IFT74: variants seen among roughly 807,000 people sequenced by gnomAD.
IFT74 encodes intraflagellar transport protein 74 homolog.
Under a neutral mutation model 96.7 loss-of-function variants are expected in IFT74, and 92 were observed. The observed-to-expected ratio is 0.95, with a 90% confidence interval of 0.80 to 1.13. The LOEUF (loss-of-function observed/expected upper bound fraction) is 1.13, where lower values mean the gene tolerates loss of function less well. Ranked by LOEUF, IFT74 falls within the 50% of genes most tolerant of loss-of-function variation. The probability of loss-of-function intolerance (pLI) is 0.00; values close to 1 mark genes in which losing one functional copy is unlikely to be tolerated. For missense variants in IFT74, 811 were observed against 698.2 expected (o/e 1.16, Z -1.82); for synonymous variants, 223 against 213.2 (o/e 1.05, Z -0.40).
chr9:26,979,130 C>G (rs1178579503), intron 3 of IFT74, among the ~76,000 whole-genome samples: 1 of 150,558 alleles, frequency 6.6e-6, no homozygotes, highest in Non-Finnish European at 1.5e-5. Context: ...TACAGTATAT[C>G]ATCCCTTTCA....
At chr9:26,970,308 A>C (rs2131504009) in intron 2 of IFT74, among the ~76,000 whole-genome samples, 1 of 152,308 alleles carries the variant, frequency 6.6e-6, no homozygotes, top group South Asian at 2.1e-4. Flanking sequence ...AGGTATAACC[A>C]CTATCAACTG....
At chr9:26,980,469 A>C in intron 3 of IFT74, 102 bp from the exon 4 acceptor site, 1 of 761,278 alleles carries the variant, frequency 1.3e-6, no homozygotes, top group Non-Finnish European at 2.4e-6. Context: ...ATTCATGAAG[A>C]CTGTCTTGAG....
intron 10 of IFT74, among the ~76,000 whole-genome samples, chr9:27,012,187 C>T (rs781429033): frequency 9.2e-5 from 14 of 152,032 alleles, no homozygotes; most frequent in Admixed American, 2.0e-4. Flanking sequence ...CAAATCATTC[C>T]GCCCTACCTA....
chr9:26,954,372 A>G (rs2131459500), upstream of IFT74, among the ~76,000 whole-genome samples: 1 of 152,312 alleles, frequency 6.6e-6, no homozygotes, highest in Non-Finnish European at 1.5e-5. Context: ...AACCAGTCAA[A>G]TAATTTCTTT....
At chr9:27,059,443 T>C (rs1001007341) in intron 18 of IFT74, among the ~76,000 whole-genome samples, 21 of 152,210 alleles carry the variant, frequency 1.4e-4, no homozygotes, top group Admixed American at 1.2e-3. Flanking sequence ...TGACACAGCA[T>C]TGCTTTTATA....
chr9:26,997,775 C>T (rs1455770869), intron 8 of IFT74: 2 of 1,612,740 alleles, frequency 1.2e-6, no homozygotes, highest in Admixed American at 1.7e-5. Flanking sequence ...ATTAAATAGA[C>T]TGCAAGAGCA....
chr9:26,981,768 A>G (rs899107947), intron 4 of IFT74, among the ~76,000 whole-genome samples: 12 of 128,786 alleles, frequency 9.3e-5, no homozygotes, highest in African/African-American at 3.4e-4. Context: ...GATAAGAATA[A>G]TTTTTTTTTT....
At chr9:27,047,397 G>A (rs763605244) in intron 15 of IFT74, 26 bp downstream of exon 15, 2 of 1,403,264 alleles carry the variant, frequency 1.4e-6, no homozygotes, top group East Asian at 4.9e-5. Flanking sequence ...CTGTCTTGGT[G>A]TCCTCTTTAT....
chr9:26,984,531 T>C lies in IFT74; in HGVS notation c.437T>C (p.Leu146Pro). The change falls in exon 6 of 20, where the codon CTT (leucine) becomes CCT (proline). Residue 146 changes from leucine (L) to proline (P), a missense_variant. By Grantham distance (98) the Leu-to-Pro change is moderately conservative. Coordinates refer to ENST00000380062, the MANE Select transcript of IFT74 (RefSeq NM_025103.4). The stretch of plus-strand genomic sequence containing the variant: ...ACTTTAGCTGTTGAGATAAAAGAGC[T>C]TCAAGGACAACTAGCAGACTACAAC... The part of the protein sequence containing the change: ...AETLAVEIKE[L>P]QGQLADYNML... 6.2e-7 allele frequency: 1 copy of C among 1,612,432 alleles called. No homozygotes were observed.
At chr9:26,999,662 C>T in intron 8 of IFT74, 3 of 1,609,500 alleles carry the variant, frequency 1.9e-6, no homozygotes, top group Non-Finnish European at 2.5e-6. Flanking sequence ...TGGAGAGGGG[C>T]CAAAAGAGGA....
At chr9:27,060,541 A>G in intron 18 of IFT74, 50 bp from the exon 19 acceptor site, 1 of 1,243,208 alleles carries the variant, frequency 8.0e-7, no homozygotes, top group East Asian at 2.5e-5. Context: ...AAAGGCATTT[A>G]ATTGTTTTAA....
At chr9:27,059,380 G>A (rs943104827) in intron 18 of IFT74, among the ~76,000 whole-genome samples, 4 of 152,152 alleles carry the variant, frequency 2.6e-5, no homozygotes, top group Non-Finnish European at 4.4e-5. Context: ...TGTCCTTGGA[G>A]GTTTAAAGGA....
chr9:26,996,304 A>G (rs767330662), intron 8 of IFT74: 11 of 1,543,506 alleles, frequency 7.1e-6, no homozygotes, highest in African/African-American at 5.4e-5. Flanking sequence ...TAGAACCAGT[A>G]TATTACCTGA....
intron 10 of IFT74, among the ~76,000 whole-genome samples, chr9:27,012,949 C>G (rs1318338645): frequency 1.3e-5 from 2 of 151,888 alleles, no homozygotes; most frequent in Non-Finnish European, 2.9e-5. Flanking sequence ...GATCTCCTGA[C>G]CTTGTGATCC....
intron 2 of IFT74, among the ~76,000 whole-genome samples, chr9:26,974,524 T>G (rs1026845716): frequency 2.0e-5 from 3 of 152,320 alleles, no homozygotes; most frequent in South Asian, 4.1e-4. Context: ...TTTGGGGTAT[T>G]GATTCCTTAA....
upstream of IFT74, among the ~76,000 whole-genome samples, chr9:26,955,351 T>G (rs969963291): frequency 2.0e-5 from 3 of 152,172 alleles, no homozygotes; most frequent in African/African-American, 7.2e-5. Context: ...CTGTCACCCT[T>G]ACTTCAACAG....
In IFT74 at chr9:27,047,307, A is replaced by C; in HGVS notation, c.1142A>C (p.Gln381Pro). The C allele has an allele frequency of 6.2e-7, 1 of 1,613,184 alleles. No individual in the cohort carries two copies. The highest frequency in any genetic ancestry group is 2.2e-5 in the East Asian group (1 of 44,836). ...FIETFEETKN[Q>P]ELKRKAQIEA... ...GAGACTTTTGAGGAAACAAAGAATC[A>C]GGAACTGAAACGAAAGGCACAGATA... The change falls in exon 15 of 20, where the codon CAG becomes CCG. Residue 381 changes from glutamine to proline, a missense_variant. Gln to Pro is a moderately conservative substitution (Grantham distance 76, BLOSUM62 -1). Coordinates refer to ENST00000380062, the MANE Select transcript of IFT74 (RefSeq NM_025103.4).
chr9:27,044,605 G>T, intron 13 of IFT74, 137 bp from the exon 14 acceptor site: 1 of 566,692 alleles, frequency 1.8e-6, no homozygotes, highest in East Asian at 3.1e-5. Flanking sequence ...ATAAGTCATT[G>T]TAAAAGAATT....
At chr9:27,034,605 C>T (rs918075633) in intron 13 of IFT74, among the ~76,000 whole-genome samples, 5 of 151,998 alleles carry the variant, frequency 3.3e-5, no homozygotes, top group East Asian at 3.9e-4. Flanking sequence ...CTTGACTTAC[C>T]GCAACCTCCA....
Sources: allele counts gnomAD v4.1 joint callset (sites outside exome capture counted in the v4.1 genomes callset), GRCh38; gene constraint gnomAD v4.1.1; transcripts MANE v1.5; gene names NCBI Gene and HGNC (gene_info 2026-07-23, HGNC 2026-07-21).